MEP1A: variants seen among roughly 807,000 people sequenced by gnomAD.
The protein encoded by MEP1A is meprin A subunit alpha, also known as N-benzoyl-L-tyrosyl-P-amino-benzoic acid hydrolase subunit alpha.
Under a neutral mutation model 84.5 loss-of-function variants are expected in MEP1A, and 68 were observed. The ratio of observed to expected loss-of-function variants is 0.80; its 90% CI spans 0.66 to 0.98. The LOEUF (loss-of-function observed/expected upper bound fraction) is 0.98, where lower values mean the gene tolerates loss of function less well. Ranked by LOEUF, MEP1A falls within the 50% of genes least tolerant of loss-of-function variation. The pLI, the probability that MEP1A is intolerant of heterozygous loss-of-function variation, is 0.00. For synonymous variants in MEP1A, 337 were observed against 336.8 expected (o/e 1.00, Z -0.01); for missense variants, 887 against 919.9 (o/e 0.96, Z 0.46).
rs750943627 is a variant in MEP1A, at chr6:46,809,405, T to C, written c.263-15T>C. 7.3e-6 allele frequency: 11 copies of C among 1,511,708 alleles called. No individual in the cohort carries two copies. The highest frequency in any genetic ancestry group is 1.0e-5 in the Non-Finnish European group (11 of 1,096,490). The allele number at this position is 1,511,708 out of a possible 1,614,324, so 93.6% of individuals were successfully genotyped here. A position where few individuals can be genotyped will look rare whatever the true frequency, so the allele number is the denominator to read the frequency against. On this transcript the variant is annotated splice_polypyrimidine_tract_variant and intron_variant, in intron 5 of 13. Coordinates refer to ENST00000230588, the MANE Select transcript of MEP1A (RefSeq NM_005588.3). Reference sequence around the variant, plus strand: ...TCCAAATAATGCTCATTGATATTTTTACTGATTTCTGCAGGGCTGAATGCT... The same window carrying C: ...TCCAAATAATGCTCATTGATATTTTCACTGATTTCTGCAGGGCTGAATGCT...
intron 5 of MEP1A, among the ~76,000 whole-genome samples, chr6:46,807,589 G>GA (rs1562106743): frequency 2.8e-4 from 18 of 65,286 alleles, no homozygotes; most frequent in African/African-American, 1.3e-3. Flanking sequence ...AGGAAGGAAG[G>GA]AAGGAAGGAA....
At chr6:46,829,196 A>G (rs1286769470) in intron 9 of MEP1A, among the ~76,000 whole-genome samples, 160 bp from the exon 10 acceptor site, 1 of 152,240 alleles carries the variant, frequency 6.6e-6, no homozygotes, top group Non-Finnish European at 1.5e-5. Flanking sequence ...GAGACAGAGA[A>G]TATTTACTGA....
intron 5 of MEP1A, among the ~76,000 whole-genome samples, chr6:46,801,168 A>T (rs1247133058): frequency 6.6e-6 from 1 of 152,190 alleles, no homozygotes; most frequent in African/African-American, 2.4e-5. Context: ...TTGCTTGGTC[A>T]TATGGATAAC....
chr6:46,835,417 A>T lies in MEP1A; in HGVS notation c.1952A>T (p.Gln651Leu). The T allele has an allele frequency of 6.2e-7, 1 of 1,612,416 alleles. No homozygotes were observed. Among genetic ancestry groups the T allele is most frequent in the Non-Finnish European group, 8.5e-7 (1 of 1,179,276 alleles). The change falls in exon 13 of 14, where the codon CAG becomes CTG. Residue 651 changes from glutamine to leucine, a missense_variant. Transcript: ENST00000230588. ...VSLSQGQPSR[Q>L]KRSVENTGPL... ...CTGAGCCAGGGGCAGCCCAGCCGAC[A>T]GAAGCGGTCGGTGGAGAACACAGGC...
In MEP1A at chr6:46,807,788, A is replaced by G. The variant is rs142851369; in HGVS notation, c.263-1632A>G. Among the ~76,000 whole-genome samples, 405 of 130,418 alleles carry G rather than the reference A, an allele frequency of 3.1e-3. 1 individual carries two copies. The highest frequency in any genetic ancestry group is 0.011 in the African/African-American group (375 of 34,208). The allele number at this position is 130,418 out of a possible 152,430, so 85.6% of individuals were successfully genotyped here. On this transcript the variant is annotated intron_variant, in intron 5 of 13. Coordinates refer to ENST00000230588, the MANE Select transcript of MEP1A (RefSeq NM_005588.3). ...GGAGAAAGGAAAGAAAGAAAGAAAG[A>G]AAGAAAGAAAGAAAGAAAGAAAGAA...
Position 46,809,476 on chromosome 6 carries a change from T to A in MEP1A, c.319T>A (p.Cys107Ser). 2 of 1,610,552 alleles carry A rather than the reference T, an allele frequency of 1.2e-6. No homozygotes were observed. The highest frequency in any genetic ancestry group is 1.7e-6 in the Non-Finnish European group (2 of 1,177,876). Residue 107 changes from cysteine (C) to serine (S), a missense_variant, in exon 6 of 14, where the codon TGT (cysteine) becomes AGT (serine). Cys to Ser is a moderately radical substitution (Grantham distance 112, BLOSUM62 -1). Transcript: ENST00000230588. ...YAFEMFRLKS[C>S]VDFKPYEGES... ...CTTTGAGATGTTCCGTCTCAAGTCC[T>A]GTGTGGATTTCAAGCCCTATGAAGG... is the stretch of plus-strand genomic sequence containing the variant.
chr6:46,802,101 A>G (rs930116611), intron 5 of MEP1A, among the ~76,000 whole-genome samples: 2 of 151,998 alleles, frequency 1.3e-5, no homozygotes, highest in Admixed American at 6.6e-5. Flanking sequence ...TATATTTTAC[A>G]ATCAATTTCT....
downstream of MEP1A, among the ~76,000 whole-genome samples, chr6:46,843,686 T>A (rs989138864): frequency 6.6e-6 from 1 of 152,220 alleles, no homozygotes; most frequent in African/African-American, 2.4e-5. Flanking sequence ...GCAGGCTGTA[T>A]ACAGTGTATT....
At chr6:46,798,788 G>A in intron 4 of MEP1A, 142 bp downstream of exon 4, 1 of 725,882 alleles carries the variant, frequency 1.4e-6, no homozygotes. Flanking sequence ...CCAGTGAGGA[G>A]TTCCACTGTA....
chr6:46,826,542 A>C, intron 9 of MEP1A, 39 bp downstream of exon 9: 1 of 1,417,070 alleles, frequency 7.1e-7, no homozygotes, highest in Non-Finnish European at 9.3e-7. Context: ...GATGTGGTTC[A>C]CCAGGTTCAA....
chr6:46,824,809 T>TATATTTAATTA lies in MEP1A; in HGVS notation c.557-463_557-462insATATTTAATTA, dbSNP rs1562113514. On this transcript the variant is annotated intron_variant, in intron 7 of 13. Coordinates refer to ENST00000230588, the MANE Select transcript of MEP1A (RefSeq NM_005588.3). ...GATGTATTTAAATATATATAAATGA[T>TATATTTAATTA]GTATTTAATTAGATGTATTTAAATA... is the stretch of plus-strand genomic sequence containing the variant. 2.1e-3 allele frequency among the ~76,000 whole-genome samples: 265 copies of TATATTTAATTA among 124,234 alleles called. 54 individuals carry two copies. Among genetic ancestry groups the TATATTTAATTA allele is most frequent in the African/African-American group, 7.9e-3 (243 of 30,916 alleles). The allele number at this position is 124,234 out of a possible 152,430, so 81.5% of individuals were successfully genotyped here.
At chr6:46,838,876 C>T in intron 13 of MEP1A, 104 bp from the exon 14 acceptor site, 1 of 971,560 alleles carries the variant, frequency 1.0e-6, no homozygotes, top group Non-Finnish European at 1.6e-6. Context: ...CGTGGACCTG[C>T]TCAGTGAGCG....
chr6:46,812,276 C>T (rs1767522026), intron 6 of MEP1A, among the ~76,000 whole-genome samples: 1 of 151,918 alleles, frequency 6.6e-6, no homozygotes. Context: ...TTCAAAGTAG[C>T]CTTGAATAAT....
At position 46,829,590 on chromosome 6, in the gene MEP1A, A is replaced by C. The variant is rs1388064839; in HGVS notation, c.1144+19A>C. The C allele has an allele frequency of 6.3e-7, 1 of 1,585,666 alleles. No individual in the cohort carries two copies. Among genetic ancestry groups the C allele is most frequent in the South Asian group, 1.1e-5 (1 of 90,480 alleles). On this transcript the variant is annotated intron_variant, in intron 10 of 13. Coordinates refer to ENST00000230588, the MANE Select transcript of MEP1A (RefSeq NM_005588.3). ...TTTCAAGGTACTTAGAGGCATTCAC[A>C]CGAGGAATGGATTGGGTTAAAATCC...
Position 46,807,508 on chromosome 6 carries a change from G to GAAAT in MEP1A, c.263-1908_263-1905dup, listed in dbSNP as rs1238971243. 1.2e-3 allele frequency among the ~76,000 whole-genome samples: 120 copies of GAAAT among 98,974 alleles called. 1 individual carries two copies. The highest frequency in any genetic ancestry group is 4.6e-3 in the African/African-American group (108 of 23,722). 64.9% of individuals were successfully genotyped at this position (98,974 alleles called of 152,430 possible). The stretch of plus-strand genomic sequence containing the variant: ...GAGCAACAAAGTGAGACCCCCATCT[G>GAAAT]AAATAAAGAAAGAAAGAAAGAAAGA... On this transcript the variant is annotated intron_variant, in intron 5 of 13. Transcript: ENST00000230588.
chr6:46,801,281 T>C (rs1767193018), intron 5 of MEP1A, among the ~76,000 whole-genome samples: 1 of 152,154 alleles, frequency 6.6e-6, no homozygotes, highest in Non-Finnish European at 1.5e-5. Context: ...TCGCTAATAT[T>C]GATAGCATTA....
downstream of MEP1A, among the ~76,000 whole-genome samples, chr6:46,843,792 T>C (rs1768373583): frequency 1.3e-5 from 2 of 152,348 alleles, no homozygotes; most frequent in East Asian, 1.9e-4. Flanking sequence ...ATCTGTTTTA[T>C]GGCTTGATTA....
chr6:46,826,280 A>T, intron 8 of MEP1A, 74 bp from the exon 9 acceptor site: 1 of 1,347,518 alleles, frequency 7.4e-7, no homozygotes, highest in Non-Finnish European at 1.0e-6. Context: ...ATGAGGTTTT[A>T]GTGGCTTAAG....
intron 5 of MEP1A, among the ~76,000 whole-genome samples, chr6:46,807,836 A>AAAGAAAGAAAGG (rs1179106341): frequency 8.8e-6 from 1 of 113,746 alleles, no homozygotes. Context: ...AGAAAGAAAG[A>AAAGAAAGAAAGG]AAGGAAGAAA....
Sources: gnomAD v4.1 joint callset for allele counts (sites outside exome capture counted in the v4.1 genomes callset) on GRCh38, gnomAD v4.1.1 for gene constraint, MANE v1.5 for transcripts, NCBI Gene and HGNC (gene_info 2026-07-23, HGNC 2026-07-21) for gene names.